The following EIF3E variants were observed in gnomAD, a reference collection of about 807,000 sequenced individuals.
The protein encoded by EIF3E is eukaryotic translation initiation factor 3 subunit E.
EIF3E carries 25 observed loss-of-function variants against 59.3 expected under a neutral mutation model. The ratio of observed to expected loss-of-function variants is 0.42; its 90% CI spans 0.31 to 0.59. EIF3E has a LOEUF of 0.59. Ranked by LOEUF, EIF3E falls within the 20% of genes least tolerant of loss-of-function variation. The probability of loss-of-function intolerance (pLI) is 0.15; values close to 1 mark genes in which losing one functional copy is unlikely to be tolerated. For synonymous variants in EIF3E, 176 were observed against 170.2 expected, an observed-to-expected ratio of 1.03 and a Z score of -0.26; for missense variants, 317 against 534.3, an observed-to-expected ratio of 0.59 and a Z score of 4.01.
chr8:108,202,445 A>T (rs1337446946), intron 12 of EIF3E, among the ~76,000 whole-genome samples: 1 of 152,056 alleles, frequency 6.6e-6, no homozygotes, highest in Non-Finnish European at 1.5e-5. Flanking sequence ...ACAGTTTAGG[A>T]TTCCAAAATT....
chr8:108,228,240 C>G, intron 7 of EIF3E, 27 bp downstream of exon 7: 1 of 1,540,106 alleles, frequency 6.5e-7, no homozygotes, highest in Non-Finnish European at 8.7e-7. Flanking sequence ...CTAAACAAAG[C>G]CAAAATTACA....
chr8:108,234,562 G>A (rs13254295), intron 5 of EIF3E: 7,288 of 152,252 alleles, frequency 0.048, 328 homozygotes, highest in African/African-American at 0.12. Flanking sequence ...TTCACATACC[G>A]TTAGGATTCC....
chr8:108,225,925 A>AACACTGCTCTATC (rs1815508137), intron 7 of EIF3E, among the ~76,000 whole-genome samples: 2 of 152,178 alleles, frequency 1.3e-5, no homozygotes, highest in African/African-American at 4.8e-5. Context: ...AATTGAATCA[A>AACACTGCTCTATC]TTTACCATTT....
At chr8:108,248,140 C>G (rs1375743424) in intron 1 of EIF3E, among the ~76,000 whole-genome samples, 1 of 151,986 alleles carries the variant, frequency 6.6e-6, no homozygotes, top group Non-Finnish European at 1.5e-5. Context: ...GAAATTAAAG[C>G]GCTAGATACT....
intron 7 of EIF3E, among the ~76,000 whole-genome samples, chr8:108,219,969 CCT>C (rs1473207392): frequency 6.6e-6 from 1 of 151,942 alleles, no homozygotes; most frequent in Non-Finnish European, 1.5e-5. Context: ...ACGGTGAAAC[CCT>C]GTCTCTACTA....
In EIF3E at chr8:108,248,707, C is replaced by T; in HGVS notation, c.-5G>A. On this transcript the variant is annotated 5_prime_UTR_variant, in exon 1 of 13. Coordinates refer to ENST00000220849, the MANE Select transcript of EIF3E (RefSeq NM_001568.3). ...AGTCAAGTCGTACTCCGCCATCTTGCCAAAGAAAAGGGAGTCTGTGCTCAC... is the reference window on the plus strand; with the variant it reads ...AGTCAAGTCGTACTCCGCCATCTTGTCAAAGAAAAGGGAGTCTGTGCTCAC... 1.2e-6 allele frequency: 2 copies of T among 1,614,080 alleles called. No individual in the cohort carries two copies. Among genetic ancestry groups the T allele is most frequent in the Non-Finnish European group, 1.7e-6 (2 of 1,179,966 alleles).
chr8:108,235,650 G>C lies in EIF3E; in HGVS notation c.366+511C>G, dbSNP rs573320465. On this transcript the variant is annotated intron_variant, in intron 4 of 12. Coordinates refer to ENST00000220849, the MANE Select transcript of EIF3E (RefSeq NM_001568.3). Reference sequence around the variant, plus strand: ...GAGTTAACACAAGGGAAATAAGATTGAGTGACGGTTAGGAAAGCTTACGAT... The same window carrying C: ...GAGTTAACACAAGGGAAATAAGATTCAGTGACGGTTAGGAAAGCTTACGAT... Among the ~76,000 whole-genome samples the C allele has an allele frequency of 1.8e-4, 28 of 152,322 alleles. 1 individual carries two copies. The South Asian group carries it at 5.4e-3, about 29-fold the overall frequency.
intron 10 of EIF3E, among the ~76,000 whole-genome samples, chr8:108,204,766 G>C (rs866837278): frequency 1.6e-5 from 2 of 128,580 alleles, no homozygotes; most frequent in African/African-American, 6.8e-5. Flanking sequence ...GAGAGAGAGA[G>C]AGAGAGAGAG....
intron 4 of EIF3E, 29 bp downstream of exon 4, chr8:108,236,132 C>G (rs777379569): frequency 6.3e-7 from 1 of 1,594,690 alleles, no homozygotes; most frequent in Admixed American, 1.7e-5. Flanking sequence ...TAAAACATGA[C>G]AACTTTAAAA....
At chr8:108,222,892 G>A (rs1341668353) in intron 7 of EIF3E, among the ~76,000 whole-genome samples, 1 of 146,736 alleles carries the variant, frequency 6.8e-6, no homozygotes, top group African/African-American at 2.5e-5. Context: ...GAAATTTCAA[G>A]CTAGGTAAGT....
chr8:108,204,746 TAGAGAGAGAGAGAG>T (rs1180256994), intron 10 of EIF3E, among the ~76,000 whole-genome samples: 8 of 113,686 alleles, frequency 7.0e-5, no homozygotes, highest in East Asian at 5.8e-4. Context: ...TATATATATA[TAGAGAGAGAGAGAG>T]AGAGAGAGAG....
chr8:108,228,341 G>C lies in EIF3E; in HGVS notation c.648C>G (p.His216Gln). The change falls in exon 7 of 13, where the codon CAC becomes CAG. Residue 216 changes from histidine (H) to glutamine (Q), a missense_variant. His to Gln is a conservative substitution (Grantham distance 24, BLOSUM62 0). Coordinates refer to ENST00000220849, the MANE Select transcript of EIF3E (RefSeq NM_001568.3). Reference protein sequence around the residue: ...QSLQQRTWLIHWSLFVFFNHP... With the variant: ...QSLQQRTWLIQWSLFVFFNHP... ...GATTGAAGAAAACAAACAGAGACCA[G>C]TGAATGAGCCATGTTCTCTGCTGAA... is the stretch of plus-strand genomic sequence containing the variant. The C allele has an allele frequency of 6.2e-7, 1 of 1,608,302 alleles. No individual in the cohort carries two copies. Among genetic ancestry groups the C allele is most frequent in the Non-Finnish European group, 8.5e-7 (1 of 1,177,010 alleles).
intron 10 of EIF3E, among the ~76,000 whole-genome samples, chr8:108,209,937 G>C (rs1687817685): frequency 6.6e-6 from 1 of 152,084 alleles, no homozygotes; most frequent in Admixed American, 6.6e-5. Context: ...TTTTACTGTG[G>C]TTTTGCAAGA....
chr8:108,215,307 T>C (rs1325267942), intron 9 of EIF3E, among the ~76,000 whole-genome samples: 1 of 152,246 alleles, frequency 6.6e-6, no homozygotes, highest in East Asian at 1.9e-4. Flanking sequence ...TAATTTTCTA[T>C]TCCATCTAAT....
At chr8:108,211,913 T>C (rs1326072915) in intron 10 of EIF3E, among the ~76,000 whole-genome samples, 2 of 152,228 alleles carry the variant, frequency 1.3e-5, no homozygotes, top group African/African-American at 4.8e-5. Context: ...GGTTTTCATC[T>C]TTATCCTCTG....
At chr8:108,223,049 GTATC>G (rs1406884437) in intron 7 of EIF3E, among the ~76,000 whole-genome samples, 1 of 151,912 alleles carries the variant, frequency 6.6e-6, no homozygotes, top group Non-Finnish European at 1.5e-5. Context: ...AAATACTTAA[GTATC>G]TACTATGTGC....
At chr8:108,223,333 A>T (rs1193491602) in intron 7 of EIF3E, among the ~76,000 whole-genome samples, 1 of 152,168 alleles carries the variant, frequency 6.6e-6, no homozygotes, top group African/African-American at 2.4e-5. Context: ...CACAGGTAGG[A>T]CACTAAGTAG....
At chr8:108,243,638 G>GAAAAAAAAAAAAA (rs779684560) in intron 1 of EIF3E, among the ~76,000 whole-genome samples, 2 of 70,974 alleles carry the variant, frequency 2.8e-5, no homozygotes, top group African/African-American at 9.4e-5. Context: ...CAAAAAAAAA[G>GAAAAAAAAAAAAA]AAAAAAAAAA....
intron 1 of EIF3E, among the ~76,000 whole-genome samples, chr8:108,245,465 T>C (rs1168489290): frequency 6.6e-6 from 1 of 152,180 alleles, no homozygotes; most frequent in Non-Finnish European, 1.5e-5. Flanking sequence ...CGAGACCCTG[T>C]CTCAAAACAC....
Sources: gnomAD v4.1 joint callset for allele counts (sites outside exome capture counted in the v4.1 genomes callset) on GRCh38, gnomAD v4.1.1 for gene constraint, MANE v1.5 for transcripts, NCBI Gene and HGNC (gene_info 2026-07-23, HGNC 2026-07-21) for gene names.